The following SUGP1 variants were observed in gnomAD, a reference collection of about 807,000 sequenced individuals.
The protein encoded by SUGP1 is SURP and G-patch domain-containing protein 1.
Under a neutral mutation model 76.5 loss-of-function variants are expected in SUGP1, and 34 were observed. The observed-to-expected ratio is 0.44, with a 90% CI of 0.34 to 0.59. The LOEUF (loss-of-function observed/expected upper bound fraction) is 0.59, where lower values mean the gene tolerates loss of function less well. SUGP1 is among the 20% of genes least tolerant of loss of function. The probability of loss-of-function intolerance (pLI) is 0.01; values close to 1 mark genes in which losing one functional copy is unlikely to be tolerated. For missense variants in SUGP1, 752 were observed against 851.7 expected (o/e 0.88, Z 1.46); for synonymous variants, 326 against 326.2 (o/e 1.00, Z 0.01).
chr19:19,290,423 C>A (rs2061172342), intron 8 of SUGP1, among the ~76,000 whole-genome samples: 1 of 152,170 alleles, frequency 6.6e-6, no homozygotes, highest in African/African-American at 2.4e-5. Flanking sequence ...GCAAGTGGAT[C>A]ATCTGAGGCC....
chr19:19,281,983 T>A (rs556457920), intron 8 of SUGP1, among the ~76,000 whole-genome samples: 1 of 152,296 alleles, frequency 6.6e-6, no homozygotes, highest in East Asian at 1.9e-4. Context: ...TCTTGAACTT[T>A]CTTTCATTTT....
intron 12 of SUGP1, 116 bp downstream of exon 12, chr19:19,277,618 G>A: frequency 1.5e-6 from 2 of 1,354,828 alleles, no homozygotes; most frequent in Non-Finnish European, 2.0e-6. Context: ...GTGGGGTGCT[G>A]TGATCATTTT....
intron 2 of SUGP1, among the ~76,000 whole-genome samples, chr19:19,311,490 G>A (rs1031853027): frequency 3.9e-5 from 6 of 152,034 alleles, no homozygotes; most frequent in African/African-American, 1.4e-4. Flanking sequence ...CACTTTGGGA[G>A]GCCGAGGTGG....
At chr19:19,299,940 C>T (rs755478623) in intron 7 of SUGP1, among the ~76,000 whole-genome samples, 1 of 151,386 alleles carries the variant, frequency 6.6e-6, no homozygotes, top group South Asian at 2.1e-4. Context: ...TGCAGGCATG[C>T]GCTAATTTTG....
chr19:19,310,488 C>T (rs1478833221), intron 2 of SUGP1, among the ~76,000 whole-genome samples: 1 of 152,192 alleles, frequency 6.6e-6, no homozygotes, highest in Non-Finnish European at 1.5e-5. Flanking sequence ...GTCCAAATGG[C>T]CCTCCAACAA....
intron 1 of SUGP1, among the ~76,000 whole-genome samples, chr19:19,319,948 A>T (rs1432654512): frequency 2.0e-5 from 3 of 152,178 alleles, no homozygotes; most frequent in Non-Finnish European, 4.4e-5. Flanking sequence ...CACAGTGAGC[A>T]CGCCCTAAGT....
At chr19:19,308,001 A>T (rs2061329037) in intron 3 of SUGP1, among the ~76,000 whole-genome samples, 1 of 151,936 alleles carries the variant, frequency 6.6e-6, no homozygotes, top group African/African-American at 2.4e-5. Context: ...AGAAGTATCA[A>T]AGGCAAAATG....
chr19:19,305,258 G>A (rs895998942), intron 4 of SUGP1, among the ~76,000 whole-genome samples: 6 of 152,186 alleles, frequency 3.9e-5, no homozygotes, highest in African/African-American at 1.4e-4. Flanking sequence ...GGTGTCACAG[G>A]GACTCGTCCT....
chr19:19,293,368 G>A (rs890500731), intron 8 of SUGP1, among the ~76,000 whole-genome samples: 3 of 151,942 alleles, frequency 2.0e-5, no homozygotes, highest in African/African-American at 4.8e-5. Context: ...CGGATCACCC[G>A]AGGTCAGGAG....
At chr19:19,299,169 T>A (rs2061251949) in intron 7 of SUGP1, among the ~76,000 whole-genome samples, 1 of 152,142 alleles carries the variant, frequency 6.6e-6, no homozygotes, top group Non-Finnish European at 1.5e-5. Flanking sequence ...TTAAAAAAAA[T>A]TTCTGCCTCA....
intron 8 of SUGP1, among the ~76,000 whole-genome samples, chr19:19,286,515 G>A (rs933378910): frequency 2.6e-5 from 4 of 152,182 alleles, no homozygotes; most frequent in African/African-American, 4.8e-5. Flanking sequence ...GAAGGAAATC[G>A]TGAAAGAGAT....
In SUGP1 at chr19:19,316,565, A is replaced by G. The variant is rs1351067558; in HGVS notation, c.63T>C (p.Ala21=). 3.5e-5 allele frequency: 57 copies of G among 1,613,552 alleles called. No individual in the cohort carries two copies. Among genetic ancestry groups the G allele is most frequent in the Non-Finnish European group, 4.7e-5 (56 of 1,179,952 alleles). ...AGKANRWFGV[A]PPKSGKMNMN... ...TGTTCATTTTTCCAGATTTAGGGGG[A>G]GCAACCCCAAACCACCGGTTAGCCT... is the stretch of plus-strand genomic sequence containing the variant. Residue 21 remains alanine (A), a synonymous_variant, in exon 2 of 14, where the codon GCT becomes GCC. Coordinates refer to ENST00000247001, the MANE Select transcript of SUGP1 (RefSeq NM_172231.4).
chr19:19,286,456 A>G (rs1260531024), intron 8 of SUGP1, among the ~76,000 whole-genome samples: 2 of 152,226 alleles, frequency 1.3e-5, no homozygotes, highest in Non-Finnish European at 2.9e-5. Flanking sequence ...TGCTAGAGAA[A>G]ACTGTCTTCA....
intron 2 of SUGP1, among the ~76,000 whole-genome samples, chr19:19,313,869 G>A (rs1189178852): frequency 1.3e-5 from 2 of 152,050 alleles, no homozygotes; most frequent in Non-Finnish European, 2.9e-5. Flanking sequence ...CGGGCTCAGA[G>A]ACTTATGCCT....
chr19:19,310,766 C>G (rs556381655), intron 2 of SUGP1, among the ~76,000 whole-genome samples: 3 of 152,308 alleles, frequency 2.0e-5, no homozygotes, highest in Non-Finnish European at 2.9e-5. Flanking sequence ...GTCTCAGCCT[C>G]CTGAGCAGCT....
chr19:19,310,292 G>A (rs977208970), intron 2 of SUGP1, 92 bp from the exon 3 acceptor site: 4 of 952,044 alleles, frequency 4.2e-6, no homozygotes, highest in Admixed American at 1.8e-5. Flanking sequence ...CCATCACCTC[G>A]TCCATCATGG....
At chr19:19,290,109 G>T (rs1279110261) in intron 8 of SUGP1, among the ~76,000 whole-genome samples, 1 of 152,146 alleles carries the variant, frequency 6.6e-6, no homozygotes, top group Non-Finnish European at 1.5e-5. Flanking sequence ...TAGACTGGCA[G>T]ATGTGACCCG....
At chr19:19,314,878 T>C (rs1288019421) in intron 2 of SUGP1, among the ~76,000 whole-genome samples, 1 of 152,014 alleles carries the variant, frequency 6.6e-6, no homozygotes, top group Non-Finnish European at 1.5e-5. Flanking sequence ...CTACTAAAAA[T>C]ACAAAATTGG....
intron 1 of SUGP1, among the ~76,000 whole-genome samples, chr19:19,319,837 C>T (rs992606463): frequency 6.6e-6 from 1 of 151,756 alleles, no homozygotes; most frequent in African/African-American, 2.4e-5. Context: ...TAAATATTTT[C>T]TCATTAATGC....
Sources: allele counts gnomAD v4.1 joint callset (sites outside exome capture counted in the v4.1 genomes callset), GRCh38; gene constraint gnomAD v4.1.1; transcripts MANE v1.5; gene names NCBI Gene and HGNC (gene_info 2026-07-23, HGNC 2026-07-21).